The following SLC44A5 variants were observed in gnomAD, a reference collection of about 807,000 sequenced individuals.
SLC44A5 encodes choline transporter-like protein 5.
SLC44A5 carries 57 observed loss-of-function variants against 101.8 expected under a neutral mutation model. That is an observed-to-expected ratio of 0.56 (90% CI 0.45 to 0.70). The LOEUF is 0.70. SLC44A5 is among the 30% of genes least tolerant of loss of function. The probability of loss-of-function intolerance (pLI) is 0.00; values close to 1 mark genes in which losing one functional copy is unlikely to be tolerated. For synonymous variants in SLC44A5, 281 were observed against 290.9 expected (o/e 0.97, Z 0.35); for missense variants, 737 against 853.1 (o/e 0.86, Z 1.70).
the SLC44A5 span, among the ~76,000 whole-genome samples, chr1:75,708,150 CA>C: frequency 6.6e-6 from 1 of 151,788 alleles, no homozygotes; most frequent in African/African-American, 2.4e-5. Context: ...CGGTGGCTCA[CA>C]CCTGTAATCC....
At chr1:75,345,775 G>C (rs1391114542) in intron 3 of SLC44A5, among the ~76,000 whole-genome samples, 1 of 152,104 alleles carries the variant, frequency 6.6e-6, no homozygotes, top group Non-Finnish European at 1.5e-5. Context: ...ACATTACCAG[G>C]AGTTGGAGAA....
At chr1:75,284,840 T>C (rs2100795810) in intron 5 of SLC44A5, among the ~76,000 whole-genome samples, 1 of 152,262 alleles carries the variant, frequency 6.6e-6, no homozygotes, top group East Asian at 1.9e-4. Context: ...AAATCATCCC[T>C]GAATCTCTGG....
intron 2 of SLC44A5, among the ~76,000 whole-genome samples, chr1:75,535,333 C>T (rs1006312210): frequency 6.6e-6 from 1 of 152,148 alleles, no homozygotes; most frequent in Admixed American, 6.5e-5. Flanking sequence ...CTTCTCAGCA[C>T]GCACCCTGCC....
intron 3 of SLC44A5, among the ~76,000 whole-genome samples, chr1:75,355,052 T>C (rs1250729472): frequency 6.6e-6 from 1 of 152,228 alleles, no homozygotes; most frequent in Non-Finnish European, 1.5e-5. Flanking sequence ...GTTACCGTCA[T>C]AAATGAGAGG....
At chr1:75,295,556 C>T (rs780070180) in intron 5 of SLC44A5, among the ~76,000 whole-genome samples, 4 of 152,118 alleles carry the variant, frequency 2.6e-5, no homozygotes, top group African/African-American at 4.8e-5. Flanking sequence ...GGGTCCTAGG[C>T]TTAAAAGCAG....
intron 2 of SLC44A5, among the ~76,000 whole-genome samples, chr1:75,531,336 T>C (rs991814390): frequency 6.6e-6 from 1 of 152,238 alleles, no homozygotes; most frequent in Non-Finnish European, 1.5e-5. Flanking sequence ...TTTTGACCAC[T>C]GAATACCTAT....
At chr1:75,389,813 C>A (rs1304338839) in intron 3 of SLC44A5, among the ~76,000 whole-genome samples, 1 of 151,936 alleles carries the variant, frequency 6.6e-6, no homozygotes, top group Non-Finnish European at 1.5e-5. Flanking sequence ...TTACTAAAAT[C>A]AGAAGAGAAC....
chr1:75,607,463 T>A (rs1433135504), intron 1 of SLC44A5, among the ~76,000 whole-genome samples: 1 of 152,012 alleles, frequency 6.6e-6, no homozygotes, highest in Non-Finnish European at 1.5e-5. Flanking sequence ...ATAAAGACTG[T>A]ATGTATTCAA....
the SLC44A5 span, among the ~76,000 whole-genome samples, chr1:75,688,018 G>T: frequency 6.6e-6 from 1 of 152,184 alleles, no homozygotes; most frequent in Non-Finnish European, 1.5e-5. Context: ...GCTGACTACA[G>T]CTTGAATCCC....
chr1:75,472,428 C>T (rs1159986790), intron 2 of SLC44A5, among the ~76,000 whole-genome samples: 1 of 152,096 alleles, frequency 6.6e-6, no homozygotes, highest in African/African-American at 2.4e-5. Flanking sequence ...AATAAATTTT[C>T]ATGTTCTTGC....
Position 75,486,412 on chromosome 1 carries a change from C to A in SLC44A5, c.13+55023G>T, listed in dbSNP as rs537961590. ...TGTTTTTAAATGAAAATAAATAGAT[C>A]TTAAGCTGAATTGAACAGATATCAA... On this transcript the variant is annotated intron_variant, in intron 2 of 23. Coordinates refer to ENST00000370859, the MANE Select transcript of SLC44A5 (RefSeq NM_001130058.2). Among the ~76,000 whole-genome samples, 13 of 152,244 alleles carry A rather than the reference C, an allele frequency of 8.5e-5. No individual in the cohort carries two copies. In the East Asian group the frequency reaches 2.3e-3, roughly 27 times the overall value.
At chr1:75,444,269 A>T (rs1388420851) in intron 2 of SLC44A5, among the ~76,000 whole-genome samples, 1 of 146,880 alleles carries the variant, frequency 6.8e-6, no homozygotes, top group Non-Finnish European at 1.5e-5. Flanking sequence ...GTGAGCTGAG[A>T]TTGCTCCACT....
rs958658722 is a variant in SLC44A5, at chr1:75,515,098, T to G, written c.13+26337A>C. Among the ~76,000 whole-genome samples, 8 of 152,310 alleles carry G rather than the reference T, an allele frequency of 5.3e-5. No individual in the cohort carries two copies. In the East Asian group the frequency reaches 1.5e-3, roughly 29 times the overall value. On this transcript the variant is annotated intron_variant, in intron 2 of 23. Coordinates refer to ENST00000370859, the MANE Select transcript of SLC44A5 (RefSeq NM_001130058.2). ...ATTCTCTTACTCTTCACTTTTTGTG[T>G]GTTGTTTCACTATTTTCTCCGTTTT...
the SLC44A5 span, among the ~76,000 whole-genome samples, chr1:75,619,804 G>A: frequency 1.3e-5 from 2 of 152,142 alleles, no homozygotes; most frequent in Non-Finnish European, 1.5e-5. Context: ...AATGATTTGT[G>A]TGATAGGTGT....
intron 1 of SLC44A5, among the ~76,000 whole-genome samples, chr1:75,591,185 T>C (rs1390660273): frequency 6.6e-6 from 1 of 152,184 alleles, no homozygotes; most frequent in Admixed American, 6.6e-5. Context: ...TGTACCTCTA[T>C]GAGTCTGCAA....
chr1:75,498,417 A>C (rs143422130), intron 2 of SLC44A5, among the ~76,000 whole-genome samples: 1 of 152,318 alleles, frequency 6.6e-6, no homozygotes, highest in East Asian at 1.9e-4. Context: ...ACTTCAGTCC[A>C]TTTAATCATA....
At chr1:75,708,576 T>C in the SLC44A5 span, among the ~76,000 whole-genome samples, 1 of 152,084 alleles carries the variant, frequency 6.6e-6, no homozygotes, top group African/African-American at 2.4e-5. Flanking sequence ...TATTAGTCTA[T>C]ACATTCAACA....
intron 1 of SLC44A5, among the ~76,000 whole-genome samples, chr1:75,574,408 T>A (rs1222062012): frequency 6.6e-6 from 1 of 152,228 alleles, no homozygotes; most frequent in Non-Finnish European, 1.5e-5. Context: ...TGGGATGTTA[T>A]CTTCTGTGAC....
At chr1:75,701,493 G>C in the SLC44A5 span, among the ~76,000 whole-genome samples, 2 of 152,096 alleles carry the variant, frequency 1.3e-5, no homozygotes, top group Admixed American at 6.5e-5. Flanking sequence ...ATGAGGTATT[G>C]ATGGGATGTA....
Sources: gnomAD v4.1 joint callset for allele counts (sites outside exome capture counted in the v4.1 genomes callset) on GRCh38, gnomAD v4.1.1 for gene constraint, MANE v1.5 for transcripts, NCBI Gene and HGNC (gene_info 2026-07-23, HGNC 2026-07-21) for gene names.